Variants in DOCK1 observed in about 807,000 individuals in gnomAD.
The protein encoded by DOCK1 is dedicator of cytokinesis protein 1.
In DOCK1, 138 loss-of-function variants were observed where a neutral mutation model predicts 262.7. That is an observed-to-expected ratio of 0.53 (90% confidence interval 0.46 to 0.61). The LOEUF (loss-of-function observed/expected upper bound fraction) is 0.61, where lower values mean the gene tolerates loss of function less well. Ranked by LOEUF, DOCK1 falls within the 20% of genes least tolerant of loss-of-function variation. DOCK1 has a pLI of 0.00. For synonymous variants in DOCK1, 866 were observed against 867.4 expected, an observed-to-expected ratio of 1.00 and a Z score of 0.03; for missense variants, 1,908 against 2,370.7, an observed-to-expected ratio of 0.80 and a Z score of 4.05.
rs546445389 is a variant in DOCK1 at position 127,228,405 on chromosome 10, C to T, written c.2848-19603C>T. 1.2e-4 allele frequency among the ~76,000 whole-genome samples: 18 copies of T among 152,288 alleles called. No homozygotes were observed. The South Asian group carries it at 2.9e-3, about 25-fold the overall frequency. ...TTTTCATCTGCTGGGTGGTGACCAGCAGAGAGCACTGAGCGGACTGTTCTT... is the reference window on the plus strand; with the variant it reads ...TTTTCATCTGCTGGGTGGTGACCAGTAGAGAGCACTGAGCGGACTGTTCTT... On this transcript the variant is annotated intron_variant, in intron 27 of 51. Transcript: ENST00000623213.
chr10:127,284,673 G>A (rs2061082891), intron 29 of DOCK1, among the ~76,000 whole-genome samples: 1 of 152,174 alleles, frequency 6.6e-6, no homozygotes, highest in South Asian at 2.1e-4. Flanking sequence ...GATCACTTGA[G>A]GGCAGGATTT....
intron 29 of DOCK1, among the ~76,000 whole-genome samples, chr10:127,324,344 A>G (rs1229773981): frequency 1.3e-5 from 2 of 152,240 alleles, no homozygotes; most frequent in Non-Finnish European, 2.9e-5. Flanking sequence ...CATTCGTTAA[A>G]GAATTCTGTC....
At chr10:127,131,790 C>G (rs1006121893) in intron 27 of DOCK1, among the ~76,000 whole-genome samples, 5 of 152,078 alleles carry the variant, frequency 3.3e-5, no homozygotes, top group South Asian at 2.1e-4. Context: ...GAAAATAGTT[C>G]ATAGGTCTGT....
intron 21 of DOCK1, among the ~76,000 whole-genome samples, chr10:127,045,050 T>G (rs1248596960): frequency 1.2e-4 from 18 of 151,680 alleles, no homozygotes; most frequent in African/African-American, 4.1e-4. Flanking sequence ...ATGCAAAAAT[T>G]AGCTGCGCGT....
At position 127,418,416 on chromosome 10, in the gene DOCK1, G is replaced by C; in HGVS notation, c.4567G>C (p.Asp1523His). ...NAIETMQLTN[D>H]KINSMVQQHL... ...CATTGAGACCATGCAGCTGACGAAC[G>C]ACAAGATCAACAGCATGGTGCAGCA... Residue 1523 changes from aspartate to histidine, a missense_variant, in exon 45 of 52, where the codon GAC (aspartate) becomes CAC (histidine). Physicochemically the swap from Asp to His is moderately conservative, Grantham distance 81. Transcript: ENST00000623213. 6.2e-7 allele frequency: 1 copy of C among 1,613,862 alleles called. No individual in the cohort carries two copies. The highest frequency in any genetic ancestry group is 8.5e-7 in the Non-Finnish European group (1 of 1,179,904).
chr10:127,163,377 T>G (rs1364446809), intron 27 of DOCK1, among the ~76,000 whole-genome samples: 1 of 152,132 alleles, frequency 6.6e-6, no homozygotes, highest in African/African-American at 2.4e-5. Flanking sequence ...CTGTAGCTAT[T>G]TCGCTTTCCC....
chr10:127,093,219 T>TTTCTTTGTTTCTTTCTTTCTTTTC (rs149382008), intron 23 of DOCK1, among the ~76,000 whole-genome samples: 1 of 62,904 alleles, frequency 1.6e-5, no homozygotes, highest in Non-Finnish European at 3.3e-5. Context: ...TCTTTCTTTC[T>TTTCTTTGTTTCTTTCTTTCTTTTC]TTTCTTTCTT....
chr10:127,336,800 A>C (rs1381939498), intron 29 of DOCK1, among the ~76,000 whole-genome samples: 2 of 152,136 alleles, frequency 1.3e-5, no homozygotes, highest in Non-Finnish European at 2.9e-5. Flanking sequence ...TGGCCTCCCA[A>C]AGTGCTGGGA....
At chr10:127,085,639 T>C (rs1211072431) in intron 23 of DOCK1, among the ~76,000 whole-genome samples, 1 of 152,042 alleles carries the variant, frequency 6.6e-6, no homozygotes, top group Non-Finnish European at 1.5e-5. Context: ...GTGCCTGTAG[T>C]CTCAGCTACT....
chr10:127,253,801 G>T (rs1024249536), intron 28 of DOCK1, among the ~76,000 whole-genome samples: 18 of 147,486 alleles, frequency 1.2e-4, no homozygotes, highest in Non-Finnish European at 1.9e-4. Context: ...CTTTAGCCTA[G>T]GAGTTTGAGG....
At chr10:127,280,521 G>A (rs183108171) in intron 29 of DOCK1, among the ~76,000 whole-genome samples, 150 of 152,276 alleles carry the variant, frequency 9.9e-4, no homozygotes, top group African/African-American at 3.4e-3. Flanking sequence ...TTGAAGGCCA[G>A]AATGAAGGGA....
chr10:127,054,829 C>T (rs914727311), intron 22 of DOCK1, among the ~76,000 whole-genome samples: 10 of 152,158 alleles, frequency 6.6e-5, no homozygotes, highest in South Asian at 2.1e-4. Context: ...TATTCTCACC[C>T]GATAACACTG....
intron 36 of DOCK1, among the ~76,000 whole-genome samples, chr10:127,381,041 G>C (rs1565043046): frequency 6.6e-6 from 1 of 152,122 alleles, no homozygotes; most frequent in Non-Finnish European, 1.5e-5. Context: ...AAGGGAAAAT[G>C]AAAAGGAATG....
chr10:127,008,726 C>G lies in DOCK1; in HGVS notation c.986-6C>G. On this transcript the variant is annotated splice_region_variant and splice_polypyrimidine_tract_variant and intron_variant, in intron 10 of 51. Transcript: ENST00000623213. ...AAAACAATCTCTGTTCTCTTTTTGT[C>G]TCCAGTGATGGATGTAACAGATATA... is the stretch of plus-strand genomic sequence containing the variant. The G allele has an allele frequency of 6.3e-7, 1 of 1,583,488 alleles. No homozygotes were observed. The highest frequency in any genetic ancestry group is 8.6e-7 in the Non-Finnish European group (1 of 1,163,352).
chr10:127,241,543 T>C (rs903447798), intron 27 of DOCK1, among the ~76,000 whole-genome samples: 5 of 152,120 alleles, frequency 3.3e-5, no homozygotes, highest in African/African-American at 1.2e-4. Flanking sequence ...ATGGCAAGCC[T>C]GGATGGGCTG....
chr10:127,080,119 A>T (rs2046816572), intron 23 of DOCK1, among the ~76,000 whole-genome samples: 1 of 152,096 alleles, frequency 6.6e-6, no homozygotes, highest in South Asian at 2.1e-4. Flanking sequence ...CAAAAATATA[A>T]ACAGGATTAA....
At chr10:127,280,035 A>AAAAT (rs1590248247) in intron 29 of DOCK1, among the ~76,000 whole-genome samples, 1 of 59,790 alleles carries the variant, frequency 1.7e-5, no homozygotes, top group African/African-American at 7.5e-5. Flanking sequence ...TATATATATA[A>AAAAT]TTTTTTTTTT....
chr10:127,187,158 C>T (rs1448774676), intron 27 of DOCK1, among the ~76,000 whole-genome samples: 1 of 152,244 alleles, frequency 6.6e-6, no homozygotes, highest in Non-Finnish European at 1.5e-5. Context: ...ACACATAACA[C>T]ATTAAGTGTT....
At chr10:127,004,015 G>C (rs1039380379) in intron 10 of DOCK1, among the ~76,000 whole-genome samples, 1 of 151,746 alleles carries the variant, frequency 6.6e-6, no homozygotes, top group Non-Finnish European at 1.5e-5. Flanking sequence ...AGAACTTTAG[G>C]AGGCCGAGGC....
Sources: allele counts gnomAD v4.1 joint callset (sites outside exome capture counted in the v4.1 genomes callset), GRCh38; gene constraint gnomAD v4.1.1; transcripts MANE v1.5; gene names NCBI Gene and HGNC (gene_info 2026-07-23, HGNC 2026-07-21).